The following VRK2 variants were observed in gnomAD, a reference collection of about 807,000 sequenced individuals.
VRK2 encodes the protein VRK serine/threonine kinase 2.
In VRK2, 60 loss-of-function variants were observed where a neutral mutation model predicts 57.6. That is an observed-to-expected ratio of 1.04 (90% CI 0.85 to 1.29). The LOEUF (loss-of-function observed/expected upper bound fraction) is 1.29, where lower values mean the gene tolerates loss of function less well. Among genes scored for constraint, VRK2 ranks in the 50% most tolerant of loss-of-function variants. VRK2 has a pLI of 0.00. For synonymous variants in VRK2, 231 were observed against 199.2 expected (o/e 1.16, Z -1.35); for missense variants, 705 against 588.1 (o/e 1.20, Z -2.06).
intron 8 of VRK2, among the ~76,000 whole-genome samples, chr2:58,127,142 CTTT>C (rs908988802): frequency 6.6e-6 from 1 of 151,742 alleles, no homozygotes; most frequent in African/African-American, 2.4e-5. Flanking sequence ...ATATTGCATA[CTTT>C]TTTTTAATTT....
intron 2 of VRK2, among the ~76,000 whole-genome samples, chr2:58,073,573 G>T (rs1358506715): frequency 1.3e-5 from 2 of 150,300 alleles, no homozygotes; most frequent in Non-Finnish European, 3.0e-5. Flanking sequence ...CTTTATTCCT[G>T]ATTGTTTTTC....
chr2:58,028,923 T>C (rs1674028857), intron 2 of VRK2, among the ~76,000 whole-genome samples: 1 of 131,236 alleles, frequency 7.6e-6, no homozygotes, highest in East Asian at 2.1e-4. Flanking sequence ...TATATATATA[T>C]ATATATATAT....
chr2:58,036,437 C>T (rs1035643556), intron 3 of VRK2, among the ~76,000 whole-genome samples: 4 of 151,858 alleles, frequency 2.6e-5, no homozygotes, highest in Non-Finnish European at 1.5e-5. Context: ...AGAAATAACA[C>T]AAATGAATTT....
intron 10 of VRK2, among the ~76,000 whole-genome samples, chr2:58,138,736 G>A (rs1680900401): frequency 6.6e-6 from 1 of 152,168 alleles, no homozygotes; most frequent in Non-Finnish European, 1.5e-5. Flanking sequence ...AAAGTAAGAA[G>A]TACTTGAGTT....
At chr2:58,092,853 C>T (rs981176272) in intron 7 of VRK2, among the ~76,000 whole-genome samples, 1 of 152,148 alleles carries the variant, frequency 6.6e-6, no homozygotes, top group Non-Finnish European at 1.5e-5. Context: ...GTGTTGTTCC[C>T]CTTCCTATGT....
intron 7 of VRK2, among the ~76,000 whole-genome samples, chr2:58,090,579 C>T (rs1005905432): frequency 2.0e-5 from 3 of 152,096 alleles, no homozygotes; most frequent in African/African-American, 7.2e-5. Flanking sequence ...CAGGAACTCT[C>T]ATTTGTTGCT....
At chr2:58,104,905 A>G (rs1445658140) in intron 7 of VRK2, among the ~76,000 whole-genome samples, 1 of 151,858 alleles carries the variant, frequency 6.6e-6, no homozygotes, top group Non-Finnish European at 1.5e-5. Context: ...AAATAAAGCT[A>G]CATATCTACA....
chr2:58,152,188 T>G (rs1558708748), intron 12 of VRK2, among the ~76,000 whole-genome samples: 1 of 151,918 alleles, frequency 6.6e-6, no homozygotes. Flanking sequence ...TTACATCTTT[T>G]TCTAAAGTCT....
intron 1 of VRK2, among the ~76,000 whole-genome samples, chr2:57,935,141 TTG>T (rs1162250958): frequency 6.6e-6 from 1 of 152,216 alleles, no homozygotes; most frequent in African/African-American, 2.4e-5. Context: ...GCCTTGATTT[TTG>T]TGTTTCTTGA....
At chr2:58,035,499 T>C (rs17049314) in intron 3 of VRK2, among the ~76,000 whole-genome samples, 16,606 of 152,006 alleles carry the variant, frequency 0.11, 1,021 homozygotes, top group African/African-American at 0.16. Flanking sequence ...ATTGTCCAGA[T>C]AGTTTCAGAG....
At chr2:57,974,942 A>G (rs1017521601) in intron 1 of VRK2, among the ~76,000 whole-genome samples, 15 of 151,914 alleles carry the variant, frequency 9.9e-5, no homozygotes, top group African/African-American at 3.6e-4. Context: ...TGATCATCTC[A>G]TAGGTTTGAG....
intron 2 of VRK2, among the ~76,000 whole-genome samples, chr2:58,074,585 C>G (rs557507670): frequency 6.6e-6 from 1 of 152,212 alleles, no homozygotes; most frequent in South Asian, 2.1e-4. Flanking sequence ...TCTCCTGTCT[C>G]TTGCTGTAAT....
intron 1 of VRK2, among the ~76,000 whole-genome samples, chr2:57,923,747 TC>T (rs1209125966): frequency 6.6e-6 from 1 of 152,064 alleles, no homozygotes; most frequent in African/African-American, 2.4e-5. Context: ...ATCCCGTTTA[TC>T]CCCTTTTGCT....
chr2:57,936,633 A>G (rs762818914), intron 1 of VRK2, among the ~76,000 whole-genome samples: 2 of 147,610 alleles, frequency 1.4e-5, no homozygotes, highest in African/African-American at 2.5e-5. Context: ...TGTTTTATTT[A>G]TTAATTTCTA....
chr2:58,135,241 G>C (rs1679848502), intron 10 of VRK2, 42 bp downstream of exon 10: 1 of 1,609,914 alleles, frequency 6.2e-7, no homozygotes, highest in Non-Finnish European at 8.5e-7. Context: ...ACGATTTACA[G>C]GTTGCCACAT....
intron 11 of VRK2, among the ~76,000 whole-genome samples, chr2:58,143,027 A>G (rs1681567724): frequency 6.6e-6 from 1 of 151,892 alleles, no homozygotes; most frequent in Admixed American, 6.6e-5. Flanking sequence ...TGAGGCTCCC[A>G]TAGCATATCC....
intron 1 of VRK2, among the ~76,000 whole-genome samples, chr2:57,991,956 C>CA (rs111539756): frequency 0.037 from 3,749 of 101,478 alleles, 132 homozygotes; most frequent in African/African-American, 0.11. Context: ...GACTCCAACT[C>CA]AAAAAAAAAA....
At chr2:58,027,761 A>G (rs1673977921) in intron 2 of VRK2, among the ~76,000 whole-genome samples, 1 of 152,192 alleles carries the variant, frequency 6.6e-6, no homozygotes, top group Non-Finnish European at 1.5e-5. Context: ...CATCTATAAG[A>G]TTTATAGAAG....
At chr2:57,984,528 C>T (rs1672533543) in intron 1 of VRK2, among the ~76,000 whole-genome samples, 1 of 152,074 alleles carries the variant, frequency 6.6e-6, no homozygotes, top group African/African-American at 2.4e-5. Flanking sequence ...CTAACTATGG[C>T]ACACACTTTT....
Sources: gnomAD v4.1 joint callset for allele counts (sites outside exome capture counted in the v4.1 genomes callset) on GRCh38, gnomAD v4.1.1 for gene constraint, MANE v1.5 for transcripts, NCBI Gene and HGNC (gene_info 2026-07-23, HGNC 2026-07-21) for gene names.